KHDRBS2: variants seen among roughly 807,000 people sequenced by gnomAD.
The protein encoded by KHDRBS2 is KH domain-containing, RNA-binding, signal transduction-associated protein 2.
A neutral mutation model predicts 44.3 loss-of-function variants in KHDRBS2; 26 were observed. The observed-to-expected ratio is 0.59, with a 90% CI of 0.43 to 0.81. The LOEUF (loss-of-function observed/expected upper bound fraction) is 0.81. Among genes scored for constraint, KHDRBS2 ranks in the 40% least tolerant of loss-of-function variants. KHDRBS2 has a pLI of 0.00. For missense variants in KHDRBS2, 476 were observed against 433.1 expected, an observed-to-expected ratio of 1.10 and a Z score of -0.88; for synonymous variants, 194 against 151.1, an observed-to-expected ratio of 1.28 and a Z score of -2.08.
chr6:62,221,350 CAGAT>C (rs1244762946), intron 1 of KHDRBS2, among the ~76,000 whole-genome samples: 3 of 151,908 alleles, frequency 2.0e-5, no homozygotes, highest in South Asian at 2.1e-4. Flanking sequence ...TATAAAGCAG[CAGAT>C]AGATAGGCTA....
In KHDRBS2 at chr6:61,818,273, A is replaced by G. The variant is rs1456109788; in HGVS notation, c.810+76362T>C. 2.0e-5 allele frequency among the ~76,000 whole-genome samples: 3 copies of G among 151,708 alleles called. No individual in the cohort carries two copies. In the East Asian group the frequency reaches 5.8e-4, roughly 29 times the overall value. On this transcript the variant is annotated intron_variant, in intron 6 of 8. Coordinates refer to ENST00000281156, the MANE Select transcript of KHDRBS2 (RefSeq NM_152688.4). The stretch of plus-strand genomic sequence containing the variant: ...AGAGAAAACCTCTGTAAGTAAAAAA[A>G]AAAAAAAAAAGGATAGTAGGCAATG...
chr6:62,093,871 T>TGTGA (rs1242428015), intron 2 of KHDRBS2, among the ~76,000 whole-genome samples: 79 of 149,140 alleles, frequency 5.3e-4, no homozygotes, highest in African/African-American at 1.9e-3. Context: ...TGTGTGTGTG[T>TGTGA]GTGTGTGTGT....
intron 2 of KHDRBS2, among the ~76,000 whole-genome samples, chr6:62,067,053 C>A (rs906411828): frequency 1.1e-4 from 16 of 151,514 alleles, no homozygotes; most frequent in Admixed American, 1.1e-3. Flanking sequence ...TTTTAAGGAA[C>A]AACAGCAAAC....
chr6:61,676,066 T>C (rs1765918460), downstream of KHDRBS2, among the ~76,000 whole-genome samples: 1 of 151,750 alleles, frequency 6.6e-6, no homozygotes, highest in Non-Finnish European at 1.5e-5. Flanking sequence ...CATGAACCCA[T>C]ATGGGACCAG....
At chr6:61,559,179 T>C in the KHDRBS2 span, among the ~76,000 whole-genome samples, 1 of 152,210 alleles carries the variant, frequency 6.6e-6, no homozygotes, top group South Asian at 2.1e-4. Flanking sequence ...AACTATTTTG[T>C]CTTTTCCTAA....
At chr6:61,954,912 ACATATATATG>A (rs1160484246) in intron 4 of KHDRBS2, among the ~76,000 whole-genome samples, 12 of 119,376 alleles carry the variant, frequency 1.0e-4, no homozygotes, top group African/African-American at 2.8e-4. Flanking sequence ...ATGTGTGCAT[ACATATATATG>A]TATACACATA....
At chr6:61,616,263 C>G in the KHDRBS2 span, among the ~76,000 whole-genome samples, 3 of 152,086 alleles carry the variant, frequency 2.0e-5, no homozygotes, top group African/African-American at 7.2e-5. Context: ...TTAGCCTCCC[C>G]TATCTGAAGG....
chr6:61,560,996 G>C, the KHDRBS2 span, among the ~76,000 whole-genome samples: 11 of 152,218 alleles, frequency 7.2e-5, no homozygotes, highest in African/African-American at 2.4e-4. Context: ...CTTGGGTGCT[G>C]TGATCTAAGT....
At chr6:61,629,405 T>C in the KHDRBS2 span, among the ~76,000 whole-genome samples, 1 of 152,202 alleles carries the variant, frequency 6.6e-6, no homozygotes, top group Non-Finnish European at 1.5e-5. Context: ...TATGCCCATA[T>C]ATAACTGAAG....
chr6:62,103,647 G>A (rs1056595778), intron 2 of KHDRBS2, among the ~76,000 whole-genome samples: 1 of 150,316 alleles, frequency 6.7e-6, no homozygotes, highest in African/African-American at 2.5e-5. Context: ...CCCAACAATG[G>A]GGCTCCCTCT....
intron 7 of KHDRBS2, among the ~76,000 whole-genome samples, chr6:61,701,277 C>T (rs1192382361): frequency 6.6e-6 from 1 of 151,914 alleles, no homozygotes; most frequent in African/African-American, 2.4e-5. Context: ...CAAAAGTGAA[C>T]AGAACTTTAC....
At chr6:61,669,099 G>T in the KHDRBS2 span, among the ~76,000 whole-genome samples, 2 of 150,728 alleles carry the variant, frequency 1.3e-5, no homozygotes, top group Non-Finnish European at 3.0e-5. Flanking sequence ...TGGTAAATAG[G>T]CAAATATAGA....
rs180775042 is a variant in KHDRBS2 at position 62,030,473 on chromosome 6, T to A, written c.336+17405A>T. 2.1e-3 allele frequency among the ~76,000 whole-genome samples: 326 copies of A among 152,148 alleles called. 3 individuals carry two copies. Among genetic ancestry groups the A allele is most frequent in the Admixed American group, 5.0e-3 (77 of 15,258 alleles). ...TTCTAATAAATCTAGTCTCTCTTAC[T>A]AGGGAATGAGAATCAAGTTAATTTC... On this transcript the variant is annotated intron_variant, in intron 3 of 8. Coordinates refer to ENST00000281156, the MANE Select transcript of KHDRBS2 (RefSeq NM_152688.4).
In KHDRBS2 at chr6:61,930,435, C is replaced by G. The variant is rs541705184; in HGVS notation, c.484-29064G>C. 1.3e-3 allele frequency among the ~76,000 whole-genome samples: 194 copies of G among 144,216 alleles called. 1 individual carries two copies. Among genetic ancestry groups the G allele is most frequent in the South Asian group, 0.01 (47 of 4,574 alleles). 94.6% of individuals were successfully genotyped at this position (144,216 alleles called of 152,430 possible). ...ATTGGCAATTCTTATATGAAATGCTCAAGGGGAATAACTTCTAGTTATCAC... is the reference window on the plus strand; with the variant it reads ...ATTGGCAATTCTTATATGAAATGCTGAAGGGGAATAACTTCTAGTTATCAC... On this transcript the variant is annotated intron_variant, in intron 4 of 8. Transcript: ENST00000281156.
chr6:62,025,631 A>T (rs1054259543), intron 3 of KHDRBS2, among the ~76,000 whole-genome samples: 2 of 151,656 alleles, frequency 1.3e-5, no homozygotes, highest in African/African-American at 4.8e-5. Context: ...GATTTTTCCA[A>T]TTTTTTTTAA....
chr6:61,694,985 G>A (rs1767747544), intron 8 of KHDRBS2, among the ~76,000 whole-genome samples: 1 of 152,014 alleles, frequency 6.6e-6, no homozygotes. Context: ...GAGTAAGCCT[G>A]GTGCTCATTT....
intron 4 of KHDRBS2, among the ~76,000 whole-genome samples, chr6:61,969,917 G>A (rs1190572990): frequency 6.6e-6 from 1 of 151,868 alleles, no homozygotes; most frequent in African/African-American, 2.4e-5. Flanking sequence ...AAAATTTTAA[G>A]ATGTTATTAT....
intron 4 of KHDRBS2, among the ~76,000 whole-genome samples, chr6:61,914,654 A>G (rs903985877): frequency 2.0e-5 from 3 of 152,132 alleles, no homozygotes; most frequent in African/African-American, 7.2e-5. Flanking sequence ...AATTTAAAGT[A>G]TAATAATAAT....
chr6:61,976,969 A>C (rs1474851875), intron 4 of KHDRBS2, among the ~76,000 whole-genome samples: 1 of 152,200 alleles, frequency 6.6e-6, no homozygotes, highest in African/African-American at 2.4e-5. Flanking sequence ...ATATGAAGTT[A>C]AGAATAATCA....
Sources: gnomAD v4.1 joint callset for allele counts (sites outside exome capture counted in the v4.1 genomes callset) on GRCh38, gnomAD v4.1.1 for gene constraint, MANE v1.5 for transcripts, NCBI Gene and HGNC (gene_info 2026-07-23, HGNC 2026-07-21) for gene names.